TLN2: variants seen among roughly 807,000 people sequenced by gnomAD.
The protein encoded by TLN2 is talin 2.
In TLN2, 118 loss-of-function variants were observed where a neutral mutation model predicts 294.7. The ratio of observed to expected loss-of-function variants is 0.40; its 90% confidence interval spans 0.34 to 0.47. TLN2 has a LOEUF of 0.47. Among genes scored for constraint, TLN2 ranks in the 20% least tolerant of loss-of-function variants. The pLI is 0.84. For synonymous variants in TLN2, 1,431 were observed against 1,304.5 expected (o/e 1.10, Z -2.09); for missense variants, 3,083 against 3,282.2 (o/e 0.94, Z 1.48).
chr15:62,391,161 T>G (rs1055671999), intron 1 of TLN2, among the ~76,000 whole-genome samples: 25 of 152,246 alleles, frequency 1.6e-4, no homozygotes, highest in African/African-American at 6.0e-4. Context: ...ATTCCAGCAC[T>G]GGCCGCCGGG....
intron 40 of TLN2, 50 bp from the exon 41 acceptor site, chr15:62,766,271 C>G (rs748492035): frequency 2.1e-5 from 32 of 1,533,666 alleles, no homozygotes; most frequent in Non-Finnish European, 2.9e-5. Flanking sequence ...ATCAGTGCAG[C>G]TCTGTGGGGA....
In TLN2 at chr15:62,843,466, A is replaced by G. The variant is rs893478789; in HGVS notation, c.*2856A>G. The G allele has an allele frequency of 6.6e-6, 1 of 152,250 alleles. No homozygotes were observed. The highest frequency in any genetic ancestry group is 2.4e-5 in the African/African-American group (1 of 41,440). The allele number at this position is 152,250 out of a possible 1,614,324, so 9.4% of individuals were successfully genotyped here. On this transcript the variant is annotated 3_prime_UTR_variant, in exon 59 of 59. Transcript: ENST00000636159. ...GCCATCTGTGCAGGCAGGTTCCTCA[A>G]TTCCTGGTTGGCCCTGCAGTCGGTC... is the stretch of plus-strand genomic sequence containing the variant.
intron 22 of TLN2, 117 bp downstream of exon 22, chr15:62,712,194 T>C: frequency 7.8e-7 from 1 of 1,277,188 alleles, no homozygotes; most frequent in Non-Finnish European, 1.1e-6. Context: ...GCTTAAAACC[T>C]ATATGGCTTG....
intron 1 of TLN2, among the ~76,000 whole-genome samples, chr15:62,510,740 C>G (rs1595977231): frequency 1.3e-5 from 2 of 152,222 alleles, no homozygotes; most frequent in South Asian, 4.1e-4. Flanking sequence ...AAGCAGTGCC[C>G]TTTCTCTGCC....
chr15:62,815,334 C>A (rs1328387389), intron 52 of TLN2, among the ~76,000 whole-genome samples: 1 of 152,074 alleles, frequency 6.6e-6, no homozygotes, highest in Admixed American at 6.6e-5. Flanking sequence ...TTGACTAAAA[C>A]CAGACTGTAC....
intron 3 of TLN2, among the ~76,000 whole-genome samples, chr15:62,631,680 T>TTTCCTC (rs1405437994): frequency 4.6e-5 from 7 of 150,838 alleles, no homozygotes; most frequent in Admixed American, 2.6e-4. Context: ...TTTCCTCCTC[T>TTTCCTC]CTTTCTGTCT....
At position 62,716,645 on chromosome 15, in the gene TLN2, G is replaced by A. The variant is rs80194007; in HGVS notation, c.2763+186G>A. Among the ~76,000 whole-genome samples the A allele has an allele frequency of 9.2e-5, 14 of 152,280 alleles. No homozygotes were observed. In the East Asian group the frequency reaches 1.5e-3, roughly 17 times the overall value. On this transcript the variant is annotated intron_variant, in intron 23 of 58. Transcript: ENST00000636159. ...TGGAAAAAACTGCTTCCGTAAGCTC[G>A]AATCCTTTCTAGCATTCAGGAATAG...
At chr15:62,518,790 G>A (rs28418367) in intron 1 of TLN2, among the ~76,000 whole-genome samples, 2,084 of 150,410 alleles carry the variant, frequency 0.014, 49 homozygotes, top group African/African-American at 0.048. Flanking sequence ...TAAAGACAGA[G>A]TTTCACCGTG....
intron 1 of TLN2, among the ~76,000 whole-genome samples, chr15:62,395,226 G>A (rs1298590069): frequency 6.8e-6 from 1 of 146,166 alleles, no homozygotes; most frequent in African/African-American, 2.6e-5. Flanking sequence ...CCAGGGCGGG[G>A]GTGGGGTAGA....
At chr15:62,598,316 G>C (rs1274169901) in intron 2 of TLN2, among the ~76,000 whole-genome samples, 1 of 152,180 alleles carries the variant, frequency 6.6e-6, no homozygotes, top group Non-Finnish European at 1.5e-5. Context: ...AGACTTCTCT[G>C]TCTCTGCCAC....
intron 1 of TLN2, among the ~76,000 whole-genome samples, chr15:62,457,485 T>C (rs2140332675): frequency 6.6e-6 from 1 of 152,290 alleles, no homozygotes; most frequent in South Asian, 2.1e-4. Context: ...AGCTGCAGAT[T>C]CTTTAAAGCA....
chr15:62,787,343 G>T (rs897864302), intron 45 of TLN2, among the ~76,000 whole-genome samples: 2 of 152,110 alleles, frequency 1.3e-5, no homozygotes, highest in African/African-American at 4.8e-5. Context: ...GTGTTTTGTT[G>T]TGTTTGAGGC....
chr15:62,426,126 C>A (rs1192344090), intron 1 of TLN2, among the ~76,000 whole-genome samples: 1 of 152,132 alleles, frequency 6.6e-6, no homozygotes, highest in Non-Finnish European at 1.5e-5. Flanking sequence ...GTTCTAAGAC[C>A]CTGCCTGAGG....
intron 1 of TLN2, among the ~76,000 whole-genome samples, chr15:62,588,118 G>A (rs1184367434): frequency 6.6e-6 from 1 of 152,054 alleles, no homozygotes; most frequent in Non-Finnish European, 1.5e-5. Flanking sequence ...CTGACCTCGT[G>A]ATCTGCCCGC....
intron 54 of TLN2, chr15:62,830,776 T>C (rs1164963180): frequency 2.0e-5 from 3 of 152,196 alleles, no homozygotes; most frequent in Admixed American, 6.5e-5. Context: ...CAGGGTACTC[T>C]GCCCAAACTG....
At chr15:62,491,080 GGGA>G (rs780597261) in intron 1 of TLN2, among the ~76,000 whole-genome samples, 58 of 152,280 alleles carry the variant, frequency 3.8e-4, no homozygotes, top group Middle Eastern at 3.4e-3. Context: ...CCAGCACTGT[GGGA>G]GGCCGAGGCA....
chr15:62,634,132 T>A (rs2050166875), intron 3 of TLN2, among the ~76,000 whole-genome samples: 1 of 152,342 alleles, frequency 6.6e-6, no homozygotes, highest in Non-Finnish European at 1.5e-5. Flanking sequence ...CCTTAACATA[T>A]GAATTTTGGA....
intron 1 of TLN2, among the ~76,000 whole-genome samples, chr15:62,468,985 A>G (rs958404594): frequency 3.3e-5 from 5 of 152,162 alleles, no homozygotes; most frequent in Admixed American, 1.3e-4. Context: ...TTTGTCAACA[A>G]TTTACCCTAT....
chr15:62,742,868 G>A (rs549377399), intron 32 of TLN2, among the ~76,000 whole-genome samples: 25 of 152,150 alleles, frequency 1.6e-4, no homozygotes, highest in Non-Finnish European at 2.9e-4. Context: ...AGGTCAAGAG[G>A]GTCAGGCAGG....
Sources: gnomAD v4.1 joint callset for allele counts (sites outside exome capture counted in the v4.1 genomes callset) on GRCh38, gnomAD v4.1.1 for gene constraint, MANE v1.5 for transcripts, NCBI Gene and HGNC (gene_info 2026-07-23, HGNC 2026-07-21) for gene names.